The following GPHN variants were observed in gnomAD, a reference collection of about 807,000 sequenced individuals.
The protein encoded by GPHN is gephyrin.
Under a neutral mutation model 95.5 loss-of-function variants are expected in GPHN, and 17 were observed. The ratio of observed to expected loss-of-function variants is 0.18; its 90% CI spans 0.12 to 0.27. GPHN has a LOEUF of 0.27. Among genes scored for constraint, GPHN ranks in the 10% least tolerant of loss-of-function variants. The pLI, the probability that GPHN is intolerant of heterozygous loss-of-function variation, is 1.00. For missense variants in GPHN, 660 were observed against 978.1 expected (o/e 0.67, Z 4.34); for synonymous variants, 320 against 322.5 (o/e 0.99, Z 0.08).
intron 21 of GPHN, among the ~76,000 whole-genome samples, chr14:67,171,430 A>T (rs2082592809): frequency 6.6e-6 from 1 of 152,150 alleles, no homozygotes; most frequent in Admixed American, 6.5e-5. Flanking sequence ...TTCATCAAAT[A>T]GAATTATTGA....
At chr14:66,652,880 A>G (rs72726458) in intron 1 of GPHN, among the ~76,000 whole-genome samples, 8,814 of 152,228 alleles carry the variant, frequency 0.058, 354 homozygotes, top group Middle Eastern at 0.099. Flanking sequence ...GCCTTTGGGA[A>G]TAGGTGCCTA....
chr14:67,546,605 G>C, the GPHN span, among the ~76,000 whole-genome samples: 1 of 152,138 alleles, frequency 6.6e-6, no homozygotes, highest in Non-Finnish European at 1.5e-5. Flanking sequence ...GGTCAGGCTG[G>C]TCTTGAACTC....
intron 17 of GPHN, among the ~76,000 whole-genome samples, chr14:67,137,912 C>T (rs766602707): frequency 7.2e-5 from 11 of 152,162 alleles, no homozygotes; most frequent in Non-Finnish European, 1.5e-4. Flanking sequence ...AGGGAAACTA[C>T]TGATATATAC....
At chr14:67,599,932 A>G in the GPHN span, 11 of 1,103,592 alleles carry the variant, frequency 1.0e-5, no homozygotes, top group Admixed American at 2.7e-5. Context: ...GGAGGGGCCG[A>G]CCAGAGGTCC....
chr14:66,872,172 A>G (rs1049864967), intron 4 of GPHN, among the ~76,000 whole-genome samples: 2 of 152,328 alleles, frequency 1.3e-5, no homozygotes, highest in African/African-American at 2.4e-5. Flanking sequence ...TTAGCATCTA[A>G]TACATACCTG....
At chr14:66,994,031 C>T (rs960149861) in intron 9 of GPHN, among the ~76,000 whole-genome samples, 5 of 151,992 alleles carry the variant, frequency 3.3e-5, no homozygotes, top group African/African-American at 1.2e-4. Context: ...TTATTATTCT[C>T]TTAATGTAGT....
chr14:67,391,269 A>ATGTG, the GPHN span, among the ~76,000 whole-genome samples: 3,397 of 139,536 alleles, frequency 0.024, 106 homozygotes, highest in African/African-American at 0.08. Flanking sequence ...TAAGCAGCTG[A>ATGTG]TATGTGTGTG....
chr14:66,868,855 C>G (rs561164167), intron 4 of GPHN, among the ~76,000 whole-genome samples: 1 of 151,872 alleles, frequency 6.6e-6, no homozygotes, highest in Admixed American at 6.6e-5. Context: ...GTCTTTGAAG[C>G]GTCTTTCTGA....
At chr14:66,613,910 A>G (rs1362947559) in intron 1 of GPHN, among the ~76,000 whole-genome samples, 1 of 152,140 alleles carries the variant, frequency 6.6e-6, no homozygotes, top group Non-Finnish European at 1.5e-5. Context: ...ATTCATCAAC[A>G]TTTGATATTA....
At chr14:67,709,084 C>T in the GPHN span, among the ~76,000 whole-genome samples, 1 of 152,104 alleles carries the variant, frequency 6.6e-6, no homozygotes, top group Admixed American at 6.5e-5. Flanking sequence ...AGCCACTGTG[C>T]CAGGCCCAAC....
At chr14:67,381,736 C>A in the GPHN span, 1 of 1,304,034 alleles carries the variant, frequency 7.7e-7, no homozygotes, top group South Asian at 1.3e-5. Context: ...CTCACCTAAA[C>A]CAAATAGGAT....
intron 4 of GPHN, among the ~76,000 whole-genome samples, chr14:66,847,021 A>G (rs1034120668): frequency 1.3e-5 from 2 of 152,124 alleles, no homozygotes; most frequent in African/African-American, 4.8e-5. Flanking sequence ...CTATAAATTT[A>G]TTTGTGCTCC....
At chr14:66,711,393 G>A (rs1331436095) in intron 2 of GPHN, among the ~76,000 whole-genome samples, 1 of 152,106 alleles carries the variant, frequency 6.6e-6, no homozygotes, top group Non-Finnish European at 1.5e-5. Flanking sequence ...TGGCTGAGTA[G>A]TATTCCTTTG....
At chr14:67,502,195 G>T in the GPHN span, among the ~76,000 whole-genome samples, 1 of 151,964 alleles carries the variant, frequency 6.6e-6, no homozygotes, top group Non-Finnish European at 1.5e-5. Context: ...GCTGGGTATG[G>T]TGGCATGCGC....
intron 2 of GPHN, among the ~76,000 whole-genome samples, chr14:66,745,209 C>T (rs1362573722): frequency 2.6e-5 from 4 of 151,954 alleles, no homozygotes; most frequent in Admixed American, 6.6e-5. Context: ...AATGTTGGGA[C>T]AACAGTATAA....
At chr14:67,586,773 G>A in the GPHN span, 25 of 1,348,366 alleles carry the variant, frequency 1.9e-5, no homozygotes, top group Non-Finnish European at 2.2e-5. Flanking sequence ...AGGATCTCCA[G>A]ATCCCTTTCT....
At chr14:66,586,202 G>C (rs544714127) in intron 1 of GPHN, among the ~76,000 whole-genome samples, 8 of 140,552 alleles carry the variant, frequency 5.7e-5, no homozygotes, top group African/African-American at 2.4e-4. Context: ...TCAGAGACTA[G>C]GATTGCAACC....
chr14:66,839,341 G>A (rs2061985381), intron 4 of GPHN, among the ~76,000 whole-genome samples: 1 of 152,166 alleles, frequency 6.6e-6, no homozygotes, highest in Non-Finnish European at 1.5e-5. Flanking sequence ...TAACATTATA[G>A]CCATGAGTGC....
At chr14:67,421,876 C>T in the GPHN span, among the ~76,000 whole-genome samples, 7 of 152,148 alleles carry the variant, frequency 4.6e-5, no homozygotes, top group East Asian at 7.7e-4. Flanking sequence ...GTCCATCTCC[C>T]GCAGCTACTC....
Sources: gnomAD v4.1 joint callset for allele counts (sites outside exome capture counted in the v4.1 genomes callset) on GRCh38, gnomAD v4.1.1 for gene constraint, MANE v1.5 for transcripts, NCBI Gene and HGNC (gene_info 2026-07-23, HGNC 2026-07-21) for gene names.